DIAPH1: variants seen among roughly 807,000 people sequenced by gnomAD.
The protein encoded by DIAPH1 is diaphanous related formin 1, also known as protein diaphanous homolog 1.
Under a neutral mutation model 140.7 loss-of-function variants are expected in DIAPH1, and 46 were observed. That is an observed-to-expected ratio of 0.33 (90% CI 0.26 to 0.42). The LOEUF is 0.42. Among genes scored for constraint, DIAPH1 ranks in the 10% least tolerant of loss-of-function variants. DIAPH1 has a pLI of 1.00. For synonymous variants in DIAPH1, 565 were observed against 551.6 expected (o/e 1.02, Z -0.34); for missense variants, 1,310 against 1,558.7 (o/e 0.84, Z 2.69).
At chr5:141,609,327 G>C (rs2099901449) in intron 1 of DIAPH1, among the ~76,000 whole-genome samples, 1 of 152,150 alleles carries the variant, frequency 6.6e-6, no homozygotes, top group South Asian at 2.1e-4. Context: ...AATTTTCTAA[G>C]AAATTCCTAG....
chr5:141,575,984 C>G (rs1235174981), intron 14 of DIAPH1, among the ~76,000 whole-genome samples: 1 of 152,186 alleles, frequency 6.6e-6, no homozygotes, highest in Non-Finnish European at 1.5e-5. Flanking sequence ...TGAGTATCAT[C>G]TGTCTTTCTT....
intron 3 of DIAPH1, among the ~76,000 whole-genome samples, chr5:141,585,718 C>T (rs892711588): frequency 6.6e-6 from 1 of 151,792 alleles, no homozygotes. Flanking sequence ...GAGAACTGCT[C>T]GAACCCAGAA....
rs1236323559 is a variant in DIAPH1 at position 141,578,231 on chromosome 5, T to C, written c.1157A>G (p.Glu386Gly). 6 of 1,611,924 alleles carry C rather than the reference T, an allele frequency of 3.7e-6. No individual in the cohort carries two copies. The highest frequency in any genetic ancestry group is 5.1e-6 in the Non-Finnish European group (6 of 1,178,078). The part of the protein sequence containing the change: ...LKGRLDDIRM[E>G]MDDFNEVFQI... Reference sequence around the variant, plus strand: ...CTAGTCAGCAAAAGGATATTCCATCTCCATGCGAATGTCATCCAGCCGTCC... The same window carrying C: ...CTAGTCAGCAAAAGGATATTCCATCCCCATGCGAATGTCATCCAGCCGTCC... The change falls in exon 11 of 28, where the codon GAG becomes GGG. Residue 386 changes from glutamate (E) to glycine (G), a missense_variant. Transcript: ENST00000389054.
intron 1 of DIAPH1, chr5:141,618,541 G>A (rs1229524728): frequency 1.0e-5 from 4 of 382,556 alleles, no homozygotes; most frequent in African/African-American, 2.2e-5. Context: ...GGATATGCGG[G>A]CGGGAGGGCA....
At chr5:141,581,142 T>G (rs1385816373) in intron 7 of DIAPH1, among the ~76,000 whole-genome samples, 1 of 151,996 alleles carries the variant, frequency 6.6e-6, no homozygotes, top group Non-Finnish European at 1.5e-5. Flanking sequence ...AAGAGGAAAT[T>G]TGGATATGGA....
chr5:141,577,637 T>C (rs1323235594), intron 11 of DIAPH1, 46 bp from the exon 12 acceptor site: 3 of 1,246,834 alleles, frequency 2.4e-6, no homozygotes, highest in South Asian at 1.2e-5. Flanking sequence ...GCAGAAATTA[T>C]GTTTGACAGG....
chr5:141,585,316 G>A (rs935340692), intron 3 of DIAPH1, among the ~76,000 whole-genome samples: 2 of 152,050 alleles, frequency 1.3e-5, no homozygotes, highest in East Asian at 1.9e-4. Context: ...TGGCCCTCAA[G>A]CTAAGTCAAA....
At chr5:141,588,471 AG>A (rs1394024354) in intron 1 of DIAPH1, among the ~76,000 whole-genome samples, 8 of 149,870 alleles carry the variant, frequency 5.3e-5, no homozygotes, top group Non-Finnish European at 7.4e-5. Context: ...ACTCTTAAAA[AG>A]GAAAAAAAAA....
At chr5:141,548,716 G>C (rs2099891205) in intron 18 of DIAPH1, among the ~76,000 whole-genome samples, 1 of 152,090 alleles carries the variant, frequency 6.6e-6, no homozygotes, top group Non-Finnish European at 1.5e-5. Context: ...TCAGGTGGGA[G>C]AATCACCTAA....
chr5:141,543,876 A>G (rs548666517), intron 18 of DIAPH1, among the ~76,000 whole-genome samples: 1 of 152,262 alleles, frequency 6.6e-6, no homozygotes, highest in Non-Finnish European at 1.5e-5. Flanking sequence ...AAATGTATAC[A>G]TGCATATAGA....
At chr5:141,577,855 G>GT in intron 11 of DIAPH1, 1 of 497,832 alleles carries the variant, frequency 2.0e-6, no homozygotes, top group Non-Finnish European at 3.6e-6. Context: ...AAAATAAGAG[G>GT]TAACTGCCTC....
chr5:141,528,386 G>C, intron 23 of DIAPH1, 67 bp downstream of exon 23: 1 of 1,607,368 alleles, frequency 6.2e-7, no homozygotes, highest in Non-Finnish European at 8.5e-7. Context: ...CTCACATCTA[G>C]ACTGTGTCTT....
rs781089562 is a variant in DIAPH1 at position 141,529,695 on chromosome 5, T to A, written c.2584A>T (p.Ile862Phe). The A allele has an allele frequency of 6.2e-7, 1 of 1,613,732 alleles. No homozygotes were observed. Among genetic ancestry groups the A allele is most frequent in the Non-Finnish European group, 8.5e-7 (1 of 1,179,666 alleles). Residue 862 changes from isoleucine to phenylalanine, a missense_variant and splice_region_variant, in exon 20 of 28, where the codon ATC becomes TTC. Physicochemically the swap from Ile to Phe is conservative, Grantham distance 21. Coordinates refer to ENST00000389054, the MANE Select transcript of DIAPH1 (RefSeq NM_005219.5). ...GGCATGCGGAAGGAACCCAAAAAGA[T>A]TGCTGCCAGAAAATGAGATATTAAG... is the stretch of plus-strand genomic sequence containing the variant. ...LDSKTAQNLS[I>F]FLGSFRMPYQ...
intron 1 of DIAPH1, among the ~76,000 whole-genome samples, chr5:141,610,062 C>G (rs2099901570): frequency 6.6e-6 from 1 of 152,190 alleles, no homozygotes; most frequent in Admixed American, 6.5e-5. Flanking sequence ...CTTTGGGAGG[C>G]CAAGGCAGGA....
chr5:141,571,856 A>G, intron 17 of DIAPH1, 70 bp downstream of exon 17: 1 of 1,099,708 alleles, frequency 9.1e-7, no homozygotes, highest in South Asian at 1.2e-5. Context: ...AGGGAAGGGA[A>G]TAGGAAACCT....
chr5:141,618,667 GACCGAGCGA>G (rs2099903098), intron 1 of DIAPH1, 122 bp downstream of exon 1: 1 of 620,440 alleles, frequency 1.6e-6, no homozygotes, highest in South Asian at 1.9e-5. Flanking sequence ...CAGAGCTGCG[GACCGAGCGA>G]AACGAGGAAG....
intron 18 of DIAPH1, among the ~76,000 whole-genome samples, chr5:141,560,143 A>C (rs908186847): frequency 6.6e-6 from 1 of 152,230 alleles, no homozygotes; most frequent in Non-Finnish European, 1.5e-5. Context: ...TCAAGATCTA[A>C]ATAAGTTCCA....
In DIAPH1 at chr5:141,576,796, G is replaced by A; in HGVS notation, c.1356C>T (p.Phe452=). The A allele has an allele frequency of 1.2e-6, 2 of 1,613,970 alleles. No individual in the cohort carries two copies. Among genetic ancestry groups the A allele is most frequent in the Non-Finnish European group, 1.7e-6 (2 of 1,179,870 alleles). The change falls in exon 13 of 28, where the codon TTC becomes TTT. Residue 452 remains phenylalanine (F), a synonymous_variant. Transcript: ENST00000389054. ...VLHKNGADPD[F]KCRHLQIEIE... is the part of the protein sequence containing the mutation. ...TCTCAATCTGGAGGTGCCGGCACTT[G>A]AAGTCAGGATCAGCCCCGTTCTTGT...
At chr5:141,601,654 T>C (rs1450590711) in intron 1 of DIAPH1, among the ~76,000 whole-genome samples, 1 of 152,212 alleles carries the variant, frequency 6.6e-6, no homozygotes, top group African/African-American at 2.4e-5. Flanking sequence ...CTAAATTGCA[T>C]GAGGGCAAAA....
Sources: allele counts gnomAD v4.1 joint callset (sites outside exome capture counted in the v4.1 genomes callset), GRCh38; gene constraint gnomAD v4.1.1; transcripts MANE v1.5; gene names NCBI Gene and HGNC (gene_info 2026-07-23, HGNC 2026-07-21).